ZNF804B: variants seen among roughly 807,000 people sequenced by gnomAD.
ZNF804B encodes zinc finger protein 804B, also known as zinc finger 804B.
In ZNF804B, 80 loss-of-function variants were observed where a neutral mutation model predicts 101.4. That is an observed-to-expected ratio of 0.79 (90% CI 0.66 to 0.95). The LOEUF (loss-of-function observed/expected upper bound fraction) is 0.95. ZNF804B is among the 40% of genes least tolerant of loss of function. ZNF804B has a pLI of 0.00. For synonymous variants in ZNF804B, 622 were observed against 558.8 expected (o/e 1.11, Z -1.59); for missense variants, 1,673 against 1,561.9 (o/e 1.07, Z -1.20).
chr7:89,157,456 A>G (rs1790994812), intron 1 of ZNF804B, among the ~76,000 whole-genome samples: 1 of 152,162 alleles, frequency 6.6e-6, no homozygotes, highest in South Asian at 2.1e-4. Context: ...ATTGTCATCT[A>G]CCAATATAAT....
intron 1 of ZNF804B, among the ~76,000 whole-genome samples, chr7:88,981,453 C>T (rs1325003816): frequency 2.0e-5 from 3 of 152,092 alleles, no homozygotes; most frequent in African/African-American, 7.2e-5. Context: ...GTGAGCTACA[C>T]TGCCTGGGGT....
At chr7:88,932,979 A>T (rs1256833018) in intron 1 of ZNF804B, among the ~76,000 whole-genome samples, 1 of 151,858 alleles carries the variant, frequency 6.6e-6, no homozygotes, top group African/African-American at 2.4e-5. Flanking sequence ...CAAAACCATG[A>T]AAGCACATAA....
intron 1 of ZNF804B, among the ~76,000 whole-genome samples, chr7:89,169,971 A>G (rs1791200322): frequency 6.6e-6 from 1 of 152,174 alleles, no homozygotes; most frequent in Non-Finnish European, 1.5e-5. Context: ...AAGTTAAGAG[A>G]GATTTTACTG....
At chr7:88,977,927 G>A (rs1426606531) in intron 1 of ZNF804B, among the ~76,000 whole-genome samples, 1 of 150,802 alleles carries the variant, frequency 6.6e-6, no homozygotes, top group East Asian at 2.0e-4. Context: ...TGTGTGTTGT[G>A]TTTTGATTTT....
chr7:89,095,996 A>T (rs974230297), intron 1 of ZNF804B, among the ~76,000 whole-genome samples: 1 of 149,054 alleles, frequency 6.7e-6, no homozygotes, highest in Non-Finnish European at 1.5e-5. Context: ...CTAAAAATAT[A>T]AAAAAAAAAT....
chr7:89,146,839 C>T (rs1790797138), intron 1 of ZNF804B, among the ~76,000 whole-genome samples: 2 of 151,310 alleles, frequency 1.3e-5, no homozygotes, highest in South Asian at 4.2e-4. Flanking sequence ...CCAGCATGGG[C>T]AATATGGCAA....
chr7:89,172,592 C>A (rs1290705466), intron 1 of ZNF804B, among the ~76,000 whole-genome samples: 1 of 152,116 alleles, frequency 6.6e-6, no homozygotes, highest in South Asian at 2.1e-4. Flanking sequence ...TTCTTTCTGA[C>A]ATGTTTTATA....
intron 1 of ZNF804B, among the ~76,000 whole-genome samples, chr7:88,946,072 A>G (rs933722523): frequency 1.3e-5 from 2 of 152,046 alleles, no homozygotes; most frequent in Non-Finnish European, 2.9e-5. Context: ...CTATGTGAAT[A>G]CACTTTATTT....
At chr7:88,943,802 A>G (rs1793089693) in intron 1 of ZNF804B, among the ~76,000 whole-genome samples, 1 of 151,722 alleles carries the variant, frequency 6.6e-6, no homozygotes, top group African/African-American at 2.4e-5. Context: ...ATAACTTTGA[A>G]TTTTCTAGAA....
intron 1 of ZNF804B, among the ~76,000 whole-genome samples, chr7:88,913,180 C>T (rs920780222): frequency 6.6e-6 from 1 of 152,072 alleles, no homozygotes; most frequent in Admixed American, 6.6e-5. Context: ...ATTTAATTTT[C>T]ACTTTGCTGT....
At chr7:89,110,736 G>A (rs148295321) in intron 1 of ZNF804B, among the ~76,000 whole-genome samples, 242 of 152,022 alleles carry the variant, frequency 1.6e-3, no homozygotes, top group African/African-American at 5.5e-3. Flanking sequence ...AGTTTACATC[G>A]GGTTTCAGTC....
At chr7:89,144,173 A>G (rs1790755896) in intron 1 of ZNF804B, among the ~76,000 whole-genome samples, 1 of 152,072 alleles carries the variant, frequency 6.6e-6, no homozygotes, top group Non-Finnish European at 1.5e-5. Flanking sequence ...TTTCAATTTG[A>G]TTCAGATAGA....
intron 1 of ZNF804B, among the ~76,000 whole-genome samples, chr7:89,013,331 A>G (rs1788493515): frequency 6.7e-6 from 1 of 150,208 alleles, no homozygotes; most frequent in South Asian, 2.1e-4. Flanking sequence ...ATAAAAAAAA[A>G]TCTAGTTAAT....
intron 1 of ZNF804B, among the ~76,000 whole-genome samples, chr7:88,887,302 T>G (rs1792143692): frequency 7.6e-6 from 1 of 131,910 alleles, no homozygotes; most frequent in South Asian, 2.5e-4. Flanking sequence ...TCTTGTAAAT[T>G]TGTTTAAGTT....
chr7:89,164,641 G>T (rs566832018), intron 1 of ZNF804B, among the ~76,000 whole-genome samples: 1 of 152,130 alleles, frequency 6.6e-6, no homozygotes, highest in African/African-American at 2.4e-5. Context: ...AAACAATACT[G>T]AAAATATGTT....
intron 1 of ZNF804B, among the ~76,000 whole-genome samples, chr7:88,848,090 G>A (rs2115822383): frequency 6.6e-6 from 1 of 152,282 alleles, no homozygotes; most frequent in South Asian, 2.1e-4. Context: ...CTTTCACAAA[G>A]GGAGTGGGGA....
intron 1 of ZNF804B, among the ~76,000 whole-genome samples, chr7:88,939,237 A>G (rs1793022073): frequency 6.6e-6 from 1 of 152,006 alleles, no homozygotes; most frequent in African/African-American, 2.4e-5. Context: ...ACCTGTGTGC[A>G]TCCTCCTTTA....
intron 1 of ZNF804B, among the ~76,000 whole-genome samples, chr7:88,966,111 T>A (rs996072603): frequency 1.5e-4 from 22 of 151,632 alleles, no homozygotes; most frequent in Non-Finnish European, 2.2e-4. Flanking sequence ...GACTAAACCA[T>A]GCAGTAGCCC....
At chr7:89,321,581 A>T (rs957124458) in intron 2 of ZNF804B, among the ~76,000 whole-genome samples, 1 of 152,134 alleles carries the variant, frequency 6.6e-6, no homozygotes, top group Non-Finnish European at 1.5e-5. Context: ...TAGAAAAGAT[A>T]AAACAGAATT....
Sources: allele counts gnomAD v4.1 joint callset (sites outside exome capture counted in the v4.1 genomes callset), GRCh38; gene constraint gnomAD v4.1.1; transcripts MANE v1.5; gene names NCBI Gene and HGNC (gene_info 2026-07-23, HGNC 2026-07-21).